Variants in KIAA1549 observed in about 807,000 individuals in gnomAD.
The protein encoded by KIAA1549 is KIAA1549.
KIAA1549 carries 70 observed loss-of-function variants against 156.4 expected under a neutral mutation model. That is an observed-to-expected ratio of 0.45 (90% CI 0.37 to 0.55). The LOEUF (loss-of-function observed/expected upper bound fraction) is 0.55, where lower values mean the gene tolerates loss of function less well. KIAA1549 is among the 20% of genes least tolerant of loss of function. The pLI is 0.00. For missense variants in KIAA1549, 2,428 were observed against 2,540.9 expected, an observed-to-expected ratio of 0.96 and a Z score of 0.96; for synonymous variants, 1,103 against 1,066.4, an observed-to-expected ratio of 1.03 and a Z score of -0.67.
intron 15 of KIAA1549, among the ~76,000 whole-genome samples, chr7:138,867,085 G>A (rs1429064879): frequency 6.6e-6 from 1 of 152,154 alleles, no homozygotes; most frequent in East Asian, 1.9e-4. Flanking sequence ...TTACAGGTCT[G>A]AGCCACCACT....
At chr7:138,883,965 C>T (rs1369836175) in intron 10 of KIAA1549, among the ~76,000 whole-genome samples, 1 of 152,134 alleles carries the variant, frequency 6.6e-6, no homozygotes, top group Admixed American at 6.5e-5. Context: ...AAGGTAGCTG[C>T]AGGATGGGGG....
At position 138,836,274 on chromosome 7, in the gene KIAA1549, C is replaced by G. The variant is rs1242897778; in HGVS notation, c.*1632G>C. On this transcript the variant is annotated 3_prime_UTR_variant, in exon 20 of 20. Coordinates refer to ENST00000422774, the MANE Select transcript of KIAA1549 (RefSeq NM_001164665.2). Reference sequence around the variant, plus strand: ...TTTACCATACCTTTTCTATGTTTAGCTATGTTTAGATACACAAATACTTAC... The same window carrying G: ...TTTACCATACCTTTTCTATGTTTAGGTATGTTTAGATACACAAATACTTAC... 1 of 203,804 alleles carries G rather than the reference C, an allele frequency of 4.9e-6. No individual in the cohort carries two copies. The highest frequency in any genetic ancestry group is 1.0e-5 in the Non-Finnish European group (1 of 99,506). 12.6% of individuals were successfully genotyped at this position (203,804 alleles called of 1,614,324 possible).
chr7:138,932,221 GTTCT>G (rs1425565545), intron 1 of KIAA1549, among the ~76,000 whole-genome samples: 1 of 152,214 alleles, frequency 6.6e-6, no homozygotes, highest in Non-Finnish European at 1.5e-5. Flanking sequence ...GCTCGTGTAA[GTTCT>G]TTATTTTGTC....
Position 138,832,032 on chromosome 7 carries a change from T to C in KIAA1549, c.*5874A>G, listed in dbSNP as rs1809546988. The C allele has an allele frequency of 1.3e-5, 3 of 231,428 alleles. No individual in the cohort carries two copies. The highest frequency in any genetic ancestry group is 2.6e-5 in the Non-Finnish European group (3 of 117,038). The allele number at this position is 231,428 out of a possible 1,614,324, so 14.3% of individuals were successfully genotyped here. A position where few individuals can be genotyped will look rare whatever the true frequency, so the allele number is the denominator to read the frequency against. ...AACTTGGCCCTGTACTATTCCCAAC[T>C]TGTACACTTAGGGAGTCAAGTTATG... is the stretch of plus-strand genomic sequence containing the variant. On this transcript the variant is annotated 3_prime_UTR_variant, in exon 20 of 20. Coordinates refer to ENST00000422774, the MANE Select transcript of KIAA1549 (RefSeq NM_001164665.2).
chr7:138,935,259 T>C (rs976595367), intron 1 of KIAA1549, among the ~76,000 whole-genome samples: 1 of 152,246 alleles, frequency 6.6e-6, no homozygotes, highest in East Asian at 1.9e-4. Flanking sequence ...ACTCTATTTC[T>C]GTGCATGACT....
Position 138,832,271 on chromosome 7 carries a change from A to T in KIAA1549, c.*5635T>A, listed in dbSNP as rs1174046663. On this transcript the variant is annotated 3_prime_UTR_variant, in exon 20 of 20. Coordinates refer to ENST00000422774, the MANE Select transcript of KIAA1549 (RefSeq NM_001164665.2). ...GAGTGCAGTGGCGTGATTATAGCTC[A>T]CTGCAGCCTCCAACTCATTGGCTCA... The T allele has an allele frequency of 5.1e-6, 1 of 195,970 alleles. No individual in the cohort carries two copies. Among genetic ancestry groups the T allele is most frequent in the Non-Finnish European group, 1.0e-5 (1 of 98,344 alleles). The allele number at this position is 195,970 out of a possible 1,614,324, so 12.1% of individuals were successfully genotyped here. A position where few individuals can be genotyped will look rare whatever the true frequency, so the allele number is the denominator to read the frequency against.
chr7:138,935,329 G>A (rs1812978546), intron 1 of KIAA1549, among the ~76,000 whole-genome samples: 1 of 152,132 alleles, frequency 6.6e-6, no homozygotes, highest in African/African-American at 2.4e-5. Context: ...AAGGTCCAGA[G>A]TATTTACCAA....
intron 12 of KIAA1549, among the ~76,000 whole-genome samples, chr7:138,875,827 G>A (rs970460539): frequency 7.3e-5 from 11 of 151,548 alleles, no homozygotes; most frequent in African/African-American, 2.4e-4. Context: ...ACAGGGTCTC[G>A]CTCTGTCACC....
rs184380337 is a variant in KIAA1549 at position 138,973,337 on chromosome 7, G to A, written c.187+7746C>T. ...TTCAGTAGAGCTGGCTTGACCATGA[G>A]TTGGGTTTTTAACAGGTGATTCTGA... On this transcript the variant is annotated intron_variant, in intron 1 of 19. Transcript: ENST00000422774. Among the ~76,000 whole-genome samples the A allele has an allele frequency of 4.0e-3, 605 of 152,302 alleles. 5 individuals are homozygous for A. Among genetic ancestry groups the A allele is most frequent in the African/African-American group, 0.014 (561 of 41,550 alleles).
rs922420152 is a variant in KIAA1549 at position 138,831,437 on chromosome 7, G to T, written c.*6469C>A. The T allele has an allele frequency of 4.9e-6, 1 of 204,236 alleles. No individual in the cohort carries two copies. Among genetic ancestry groups the T allele is most frequent in the Non-Finnish European group, 1.0e-5 (1 of 99,784 alleles). 12.7% of individuals were successfully genotyped at this position (204,236 alleles called of 1,614,324 possible). ...TTCCATTTAAAATGCTAGGAAAGCT[G>T]TATAAATTGTAAACATGGAAACCAA... On this transcript the variant is annotated 3_prime_UTR_variant, in exon 20 of 20. Transcript: ENST00000422774.
At chr7:138,903,165 G>A (rs1256233285) in intron 8 of KIAA1549, among the ~76,000 whole-genome samples, 3 of 152,136 alleles carry the variant, frequency 2.0e-5, no homozygotes, top group Non-Finnish European at 4.4e-5. Flanking sequence ...AGGGCAGCAC[G>A]TCTCCCTCTA....
Position 138,864,395 on chromosome 7 carries a change from C to A in KIAA1549, c.4930-2939G>T, listed in dbSNP as rs182750032. Among the ~76,000 whole-genome samples, 12 of 152,260 alleles carry A rather than the reference C, an allele frequency of 7.9e-5. No individual in the cohort carries two copies. In the East Asian group the frequency reaches 2.3e-3, roughly 29 times the overall value. ...TTCCCAATGGCCCCCGTGAATCCTGCCAGAAGGCCAGGAGCTCCTGGGCCA... is the reference window on the plus strand; with the variant it reads ...TTCCCAATGGCCCCCGTGAATCCTGACAGAAGGCCAGGAGCTCCTGGGCCA... On this transcript the variant is annotated intron_variant, in intron 15 of 19. Transcript: ENST00000422774.
At chr7:138,889,146 T>C (rs1192258729) in intron 10 of KIAA1549, among the ~76,000 whole-genome samples, 2 of 152,252 alleles carry the variant, frequency 1.3e-5, no homozygotes, top group East Asian at 3.8e-4. Flanking sequence ...CTGTTTTGTT[T>C]TGTTTTTAAC....
intron 1 of KIAA1549, among the ~76,000 whole-genome samples, chr7:138,958,998 CAAGTG>C (rs771590524): frequency 3.9e-5 from 6 of 152,236 alleles, no homozygotes; most frequent in Non-Finnish European, 7.4e-5. Context: ...CTCCCAGATT[CAAGTG>C]ATTCTCCTGC....
chr7:138,853,670 G>A lies in KIAA1549; in HGVS notation c.5248-1401C>T, dbSNP rs563012074. 3.9e-5 allele frequency among the ~76,000 whole-genome samples: 6 copies of A among 152,238 alleles called. No homozygotes were observed. In the East Asian group the frequency reaches 9.6e-4, roughly 24 times the overall value. ...TGACTCTCTCTGCTTCCATCCCCTT[G>A]GCTGTCATGTGGAACCTTGTGGAGT... On this transcript the variant is annotated intron_variant, in intron 16 of 19. Coordinates refer to ENST00000422774, the MANE Select transcript of KIAA1549 (RefSeq NM_001164665.2).
intron 1 of KIAA1549, among the ~76,000 whole-genome samples, chr7:138,933,133 T>C (rs1014604961): frequency 6.6e-6 from 1 of 151,984 alleles, no homozygotes; most frequent in African/African-American, 2.4e-5. Flanking sequence ...GAAGGGCAGA[T>C]GAGGAAACAG....
chr7:138,973,037 G>C (rs1473882777), intron 1 of KIAA1549, among the ~76,000 whole-genome samples: 1 of 152,108 alleles, frequency 6.6e-6, no homozygotes, highest in Non-Finnish European at 1.5e-5. Flanking sequence ...GGCCAGGCTG[G>C]TCTCAAACTC....
At chr7:138,972,488 C>T (rs958632318) in intron 1 of KIAA1549, among the ~76,000 whole-genome samples, 3 of 151,866 alleles carry the variant, frequency 2.0e-5, no homozygotes, top group African/African-American at 4.8e-5. Context: ...CTCTTGCCAG[C>T]TCCTTCAATC....
chr7:138,957,794 T>C (rs548041447), intron 1 of KIAA1549, among the ~76,000 whole-genome samples: 1 of 152,192 alleles, frequency 6.6e-6, no homozygotes, highest in South Asian at 2.1e-4. Flanking sequence ...CCTAAAAACA[T>C]GTACCTATGG....
Sources: allele counts gnomAD v4.1 joint callset (sites outside exome capture counted in the v4.1 genomes callset), GRCh38; gene constraint gnomAD v4.1.1; transcripts MANE v1.5; gene names NCBI Gene and HGNC (gene_info 2026-07-23, HGNC 2026-07-21).